SCLY: variants seen among roughly 807,000 people sequenced by gnomAD.
SCLY encodes the protein selenocysteine lyase.
Under a neutral mutation model 50.1 loss-of-function variants are expected in SCLY, and 38 were observed. The ratio of observed to expected loss-of-function variants is 0.76; its 90% CI spans 0.59 to 0.99. SCLY has a LOEUF of 0.99. Ranked by LOEUF, SCLY falls within the 50% of genes least tolerant of loss-of-function variation. The pLI, the probability that SCLY is intolerant of heterozygous loss-of-function variation, is 0.00. For missense variants in SCLY, 600 were observed against 620.0 expected (o/e 0.97, Z 0.34); for synonymous variants, 243 against 249.4 (o/e 0.97, Z 0.24).
At chr2:238,090,910 T>C (rs1010316836) in intron 7 of SCLY, among the ~76,000 whole-genome samples, 2 of 152,184 alleles carry the variant, frequency 1.3e-5, no homozygotes, top group African/African-American at 4.8e-5. Flanking sequence ...AAGAGAGCTG[T>C]GCCTTGGGGC....
rs757554992 is a variant in SCLY, at chr2:238,069,565, G to A, written c.484+88G>A. 1.9e-4 allele frequency: 227 copies of A among 1,205,090 alleles called. No homozygotes were observed. The highest frequency in any genetic ancestry group is 2.9e-4 in the Admixed American group (10 of 34,626). 74.6% of individuals were successfully genotyped at this position (1,205,090 alleles called of 1,614,324 possible). A position where few individuals can be genotyped will look rare whatever the true frequency, so the allele number is the denominator to read the frequency against. ...GGCCTGCGAGCAGAGCCCGGGATCC[G>A]CTGCAGAGATGTAGATTCAGTGTGC... On this transcript the variant is annotated intron_variant, in intron 4 of 11. Coordinates refer to ENST00000254663, the MANE Select transcript of SCLY (RefSeq NM_016510.7). This position sits in a 1 kb window ranked among gnomAD's most constrained non-coding sequence, Gnocchi z 5.0.
chr2:238,072,784 C>T (rs2065139702), intron 4 of SCLY, among the ~76,000 whole-genome samples: 1 of 152,112 alleles, frequency 6.6e-6, no homozygotes, highest in African/African-American at 2.4e-5. Context: ...ATACAAGTCC[C>T]TTGTCAGATA....
intron 4 of SCLY, chr2:238,078,540 G>A (rs1024720710): frequency 2.0e-5 from 3 of 151,970 alleles, no homozygotes; most frequent in Admixed American, 6.6e-5. Context: ...AAACTTACCA[G>A]TATATACTTC....
chr2:238,082,283 A>G, intron 6 of SCLY, 74 bp downstream of exon 6: 1 of 1,426,362 alleles, frequency 7.0e-7, no homozygotes, highest in Non-Finnish European at 9.5e-7. Context: ...CTCGGTCCGT[A>G]AGCCTCACTG....
At position 238,098,814 on chromosome 2, in the gene SCLY, C is replaced by G. The variant is rs973032148; in HGVS notation, c.*459C>G. On this transcript the variant is annotated 3_prime_UTR_variant, in exon 12 of 12. Coordinates refer to ENST00000254663, the MANE Select transcript of SCLY (RefSeq NM_016510.7). ...TTTATAACTCATTGTCAGCCAAATG[C>G]TATCATGAACGTAGGAAACTTGATT... is the stretch of plus-strand genomic sequence containing the variant. The G allele has an allele frequency of 3.0e-6, 1 of 334,304 alleles. No homozygotes were observed. The highest frequency in any genetic ancestry group is 5.4e-6 in the Non-Finnish European group (1 of 186,808). 20.7% of individuals were successfully genotyped at this position (334,304 alleles called of 1,614,324 possible).
intron 4 of SCLY, chr2:238,079,603 TA>T (rs2065214064): frequency 1.3e-5 from 2 of 152,238 alleles, no homozygotes; most frequent in African/African-American, 4.8e-5. Flanking sequence ...CATGTTATTT[TA>T]TACAGTTGCT....
At chr2:238,062,406 ATTTTT>A (rs11335455) in intron 1 of SCLY, among the ~76,000 whole-genome samples, 1 of 145,384 alleles carries the variant, frequency 6.9e-6, no homozygotes. Flanking sequence ...CTATTGAGTG[ATTTTT>A]TTTTTTTTTT....
rs1691339338 is a variant in SCLY, at chr2:238,098,635, G to GACCGCCCACATGGGACCGCCCACATAGA, written c.*285_*312dup. 22 of 276,964 alleles carry GACCGCCCACATGGGACCGCCCACATAGA rather than the reference G, an allele frequency of 7.9e-5. No individual in the cohort carries two copies. Among genetic ancestry groups the GACCGCCCACATGGGACCGCCCACATAGA allele is most frequent in the African/African-American group, 5.6e-4 (13 of 23,336 alleles). The allele number at this position is 276,964 out of a possible 1,614,324, so 17.2% of individuals were successfully genotyped here. A position where few individuals can be genotyped will look rare whatever the true frequency, so the allele number is the denominator to read the frequency against. On this transcript the variant is annotated 3_prime_UTR_variant, in exon 12 of 12. Transcript: ENST00000254663. ...CGCCCACATGGGACCGCCCACATGG[G>GACCGCCCACATGGGACCGCCCACATAGA]ACCGCCCACATGGGACCGCCCACAT... is the stretch of plus-strand genomic sequence containing the variant.
intron 4 of SCLY, chr2:238,079,884 C>G (rs944107740): frequency 1.3e-5 from 2 of 152,252 alleles, no homozygotes; most frequent in Non-Finnish European, 2.9e-5. Context: ...GCCCCTTTCT[C>G]TTGCTCCTGC....
In SCLY at chr2:238,098,607, G is replaced by GTCCACATGGGACCGTCCACATAGA. The variant is rs1691319157; in HGVS notation, c.*252_*253insTCCACATGGGACCGTCCACATAGA. The GTCCACATGGGACCGTCCACATAGA allele has an allele frequency of 1.9e-5, 7 of 372,434 alleles. No homozygotes were observed. The South Asian group carries it at 2.9e-4, about 15-fold the overall frequency. The allele number at this position is 372,434 out of a possible 1,614,324, so 23.1% of individuals were successfully genotyped here. A position where few individuals can be genotyped will look rare whatever the true frequency, so the allele number is the denominator to read the frequency against. On this transcript the variant is annotated 3_prime_UTR_variant, in exon 12 of 12. Transcript: ENST00000254663. Reference sequence around the variant, plus strand: ...CGCCCACATAGGACCGCCCACATAGGACCGCCCACATGGGACCGCCCACAT... The same window carrying GTCCACATGGGACCGTCCACATAGA: ...CGCCCACATAGGACCGCCCACATAGGTCCACATGGGACCGTCCACATAGAACCGCCCACATGGGACCGCCCACAT...
chr2:238,070,201 C>T (rs1217004257), intron 4 of SCLY, among the ~76,000 whole-genome samples: 1 of 146,422 alleles, frequency 6.8e-6, no homozygotes, highest in Admixed American at 6.8e-5. Flanking sequence ...AGATCATTAA[C>T]TTGTAAAAAT....
Position 238,098,254 on chromosome 2 carries a change from G to A in SCLY, c.1237G>A (p.Ala413Thr), listed in dbSNP as rs781247370. The A allele has an allele frequency of 1.9e-5, 31 of 1,608,816 alleles. No individual in the cohort carries two copies. Among genetic ancestry groups the A allele is most frequent in the East Asian group, 4.5e-5 (2 of 44,762 alleles). Residue 413 changes from alanine (A) to threonine (T), a missense_variant, in exon 12 of 12, where the codon GCG becomes ACG. By Grantham distance (58) the Ala-to-Thr change is moderately conservative (BLOSUM62 0). Transcript: ENST00000254663. ...TGTCCCCTTCGACGTGGCCAGGAACGCGCTCCGGCTCAGCGTGGGCCGCAG... is the reference window on the plus strand; with the variant it reads ...TGTCCCCTTCGACGTGGCCAGGAACACGCTCCGGCTCAGCGTGGGCCGCAG... Reference protein sequence around the residue: ...YGVPFDVARNALRLSVGRSTT... With the variant: ...YGVPFDVARNTLRLSVGRSTT...
intron 7 of SCLY, among the ~76,000 whole-genome samples, chr2:238,084,630 C>T (rs1298148368): frequency 7.2e-6 from 1 of 138,636 alleles, no homozygotes; most frequent in Non-Finnish European, 1.5e-5. Context: ...CACGGTGGCT[C>T]ACTCCTGTAA....
At chr2:238,075,594 T>C (rs2065165551) in intron 4 of SCLY, among the ~76,000 whole-genome samples, 1 of 152,208 alleles carries the variant, frequency 6.6e-6, no homozygotes, top group South Asian at 2.1e-4. Flanking sequence ...TTTTGAGTCA[T>C]TTTCAGTTGT....
At chr2:238,087,747 A>G in intron 7 of SCLY, among the ~76,000 whole-genome samples, 1 of 152,238 alleles carries the variant, frequency 6.6e-6, no homozygotes, top group East Asian at 1.9e-4. Context: ...TTTTGATGCA[A>G]AAAATATTTA....
chr2:238,096,900 T>C, intron 11 of SCLY, 24 bp downstream of exon 11: 2 of 1,591,996 alleles, frequency 1.3e-6, no homozygotes, highest in Non-Finnish European at 1.7e-6. Flanking sequence ...ACAAACCCAG[T>C]CCAGGGCATA....
At position 238,064,486 on chromosome 2, in the gene SCLY, C is replaced by T. The variant is rs773718654; in HGVS notation, c.202+17C>T. ...ATTCAGCAGGTAATTCTAGAAGATG[C>T]ACGTGTTCACTGATGGGAGATAATG... On this transcript the variant is annotated intron_variant, in intron 2 of 11. Transcript: ENST00000254663. The T allele has an allele frequency of 5.8e-6, 9 of 1,553,522 alleles. No individual in the cohort carries two copies. In the Admixed American group the frequency reaches 7.1e-5, roughly 12 times the overall value.
At chr2:238,090,234 A>G (rs913850374) in intron 7 of SCLY, among the ~76,000 whole-genome samples, 1 of 152,226 alleles carries the variant, frequency 6.6e-6, no homozygotes, top group African/African-American at 2.4e-5. Flanking sequence ...AACACCTATC[A>G]GAATGGCTAA....
At chr2:238,073,633 G>T in intron 4 of SCLY, 1 of 300,428 alleles carries the variant, frequency 3.3e-6, no homozygotes. Flanking sequence ...TTTCATTTTT[G>T]GATTGTTCAT....
Sources: gnomAD v4.1 joint callset for allele counts (sites outside exome capture counted in the v4.1 genomes callset) on GRCh38, gnomAD v4.1.1 for gene constraint, Gnocchi (gnomAD v3.1) non-coding constraint, MANE v1.5 for transcripts, NCBI Gene and HGNC (gene_info 2026-07-23, HGNC 2026-07-21) for gene names.